Variants in ADK observed in about 807,000 individuals in gnomAD.
ADK encodes the protein N6,N6-dimethyladenosine kinase.
Under a neutral mutation model 44.7 loss-of-function variants are expected in ADK, and 24 were observed. The ratio of observed to expected loss-of-function variants is 0.54; its 90% CI spans 0.39 to 0.76. The LOEUF (loss-of-function observed/expected upper bound fraction) is 0.76. Ranked by LOEUF, ADK falls within the 30% of genes least tolerant of loss-of-function variation. The pLI is 0.00. For missense variants in ADK, 321 were observed against 425.1 expected (o/e 0.76, Z 2.15); for synonymous variants, 128 against 142.6 (o/e 0.90, Z 0.73).
rs1182564520 is a variant in ADK, at chr10:74,288,000, AAG to A, written c.195-26663_195-26662del. On this transcript the variant is annotated intron_variant, in intron 3 of 10. Transcript: ENST00000539909. ...CCTGTCTCAAAAAAAAAAAAAAAAA[AAG>A]AGAAAAAAAAATTTTTAAGTACTTT... Among the ~76,000 whole-genome samples, 214 of 151,586 alleles carry A rather than the reference AAG, an allele frequency of 1.4e-3. 1 individual carries two copies. Among genetic ancestry groups the A allele is most frequent in the African/African-American group, 4.8e-3 (198 of 41,348 alleles).
intron 7 of ADK, among the ~76,000 whole-genome samples, chr10:74,534,205 T>G (rs1849379010): frequency 1.3e-5 from 2 of 152,164 alleles, no homozygotes; most frequent in South Asian, 4.1e-4. Flanking sequence ...TTGCAGTACT[T>G]TATACATACG....
chr10:74,301,694 GT>G (rs1840038090), intron 3 of ADK, among the ~76,000 whole-genome samples: 1 of 151,622 alleles, frequency 6.6e-6, no homozygotes, highest in African/African-American at 2.4e-5. Flanking sequence ...AATGTCCTTG[GT>G]TTTTTTCTCA....
rs551092388 is a variant in ADK, at chr10:74,199,743, G to T, written c.66-1021G>T. 7.2e-5 allele frequency among the ~76,000 whole-genome samples: 11 copies of T among 152,002 alleles called. 1 individual carries two copies. In the South Asian group the frequency reaches 2.3e-3, roughly 32 times the overall value. On this transcript the variant is annotated intron_variant, in intron 1 of 10. Transcript: ENST00000539909. ...CGCCCAGGCTGGAGCGCAGTGGCACGATCTCGACTCACTGCAACCTCCACC... is the reference window on the plus strand; with the variant it reads ...CGCCCAGGCTGGAGCGCAGTGGCACTATCTCGACTCACTGCAACCTCCACC...
chr10:74,567,665 T>G (rs1850721460), intron 7 of ADK, among the ~76,000 whole-genome samples: 1 of 151,840 alleles, frequency 6.6e-6, no homozygotes, highest in South Asian at 2.1e-4. Context: ...CCATTTCTTT[T>G]GTTCTCTCTC....
intron 9 of ADK, among the ~76,000 whole-genome samples, chr10:74,607,581 G>C (rs1053022675): frequency 2.0e-5 from 3 of 152,104 alleles, no homozygotes; most frequent in African/African-American, 7.2e-5. Flanking sequence ...TGGCTTATAG[G>C]GTTTCTGCAG....
rs1849110827 is a variant in ADK at position 74,527,692 on chromosome 10, C to T, written c.726+2266C>T. 3.3e-6 allele frequency: 4 copies of T among 1,227,912 alleles called. No homozygotes were observed. The Admixed American group carries it at 6.7e-5, about 21-fold the overall frequency. 76.1% of individuals were successfully genotyped at this position (1,227,912 alleles called of 1,614,324 possible). A position where few individuals can be genotyped will look rare whatever the true frequency, so the allele number is the denominator to read the frequency against. On this transcript the variant is annotated intron_variant, in intron 7 of 10. Transcript: ENST00000539909. The stretch of plus-strand genomic sequence containing the variant: ...CCAAAACTGTGTCAAAAATGCCTCT[C>T]TTATTTCTGCATTGTCCACTGGACG...
intron 9 of ADK, among the ~76,000 whole-genome samples, chr10:74,602,741 G>C (rs757000048): frequency 6.6e-6 from 1 of 152,162 alleles, no homozygotes; most frequent in East Asian, 1.9e-4. Context: ...CTGTTCAGTG[G>C]TGTCAGCTAC....
chr10:74,640,126 T>C (rs994951905), intron 9 of ADK, among the ~76,000 whole-genome samples: 1 of 152,218 alleles, frequency 6.6e-6, no homozygotes, highest in African/African-American at 2.4e-5. Flanking sequence ...ACAAAGCCTC[T>C]TCACTCAAGA....
intron 4 of ADK, among the ~76,000 whole-genome samples, chr10:74,315,826 T>G (rs1268949763): frequency 1.3e-5 from 2 of 152,200 alleles, no homozygotes; most frequent in Admixed American, 6.5e-5. Context: ...TAAAAATGAA[T>G]CTTTAAGGCG....
intron 4 of ADK, among the ~76,000 whole-genome samples, chr10:74,329,424 T>C (rs7916445): frequency 0.64 from 98,061 of 152,098 alleles, 32,932 homozygotes; most frequent in Middle Eastern, 0.79. Context: ...TTTAATTCTT[T>C]CCATATCAAG....
intron 1 of ADK, among the ~76,000 whole-genome samples, chr10:74,154,241 T>C (rs1841690765): frequency 6.6e-6 from 1 of 151,930 alleles, no homozygotes; most frequent in South Asian, 2.1e-4. Context: ...TCTCTGTGCC[T>C]CTCAGTTCTC....
At chr10:74,620,000 GCGTGAGCCACAACACCCTGCCCAT>G (rs1396264428) in intron 9 of ADK, among the ~76,000 whole-genome samples, 15 of 152,194 alleles carry the variant, frequency 9.9e-5, no homozygotes, top group African/African-American at 3.6e-4. Flanking sequence ...GGGATTATGG[GCGTGAGCCACAACACCCTGCCCAT>G]CGTGATGTTT....
At chr10:74,696,583 G>T (rs1241944736) in intron 10 of ADK, among the ~76,000 whole-genome samples, 2 of 151,216 alleles carry the variant, frequency 1.3e-5, no homozygotes, top group African/African-American at 4.9e-5. Flanking sequence ...TGTTAGCCAG[G>T]ATGGTCTCGA....
At chr10:74,159,238 C>A (rs895908109) in intron 1 of ADK, among the ~76,000 whole-genome samples, 2 of 152,124 alleles carry the variant, frequency 1.3e-5, no homozygotes, top group African/African-American at 4.8e-5. Flanking sequence ...TTAGTATTTT[C>A]TTTACAATTT....
At chr10:74,383,750 G>A (rs1404497122) in intron 4 of ADK, among the ~76,000 whole-genome samples, 19 of 114,702 alleles carry the variant, frequency 1.7e-4, no homozygotes, top group Non-Finnish European at 8.3e-5. Flanking sequence ...TAAACTGAGG[G>A]GACCTTAGCA....
At chr10:74,686,208 G>T (rs1036778709) in intron 10 of ADK, among the ~76,000 whole-genome samples, 1 of 151,968 alleles carries the variant, frequency 6.6e-6, no homozygotes, top group South Asian at 2.1e-4. Context: ...TGATCTGCCC[G>T]CCTAGGCCTC....
intron 8 of ADK, among the ~76,000 whole-genome samples, chr10:74,591,831 C>T (rs1346877934): frequency 1.3e-5 from 2 of 152,158 alleles, no homozygotes; most frequent in East Asian, 1.9e-4. Flanking sequence ...CCATCAGTGC[C>T]GCTGTCCTAC....
At chr10:74,160,122 G>A (rs549471752) in intron 1 of ADK, among the ~76,000 whole-genome samples, 57 of 152,234 alleles carry the variant, frequency 3.7e-4, no homozygotes, top group African/African-American at 1.3e-3. Context: ...ACCAGTTGAG[G>A]TAGGAGGTGG....
At chr10:74,623,793 A>C (rs1853085863) in intron 9 of ADK, among the ~76,000 whole-genome samples, 1 of 151,994 alleles carries the variant, frequency 6.6e-6, no homozygotes, top group South Asian at 2.1e-4. Flanking sequence ...TTATAACTCT[A>C]ATCAATTTCT....
Sources: allele counts gnomAD v4.1 joint callset (sites outside exome capture counted in the v4.1 genomes callset), GRCh38; gene constraint gnomAD v4.1.1; transcripts MANE v1.5; gene names NCBI Gene and HGNC (gene_info 2026-07-23, HGNC 2026-07-21).